Variants in XRCC4 observed in about 807,000 individuals in gnomAD.
XRCC4 encodes DNA repair protein XRCC4.
XRCC4 carries 28 observed loss-of-function variants against 39.1 expected under a neutral mutation model. That is an observed-to-expected ratio of 0.72 (90% confidence interval 0.53 to 0.98). The LOEUF (loss-of-function observed/expected upper bound fraction) is 0.98. Among genes scored for constraint, XRCC4 ranks in the 50% least tolerant of loss-of-function variants. XRCC4 has a pLI of 0.00. For missense variants in XRCC4, 350 were observed against 376.4 expected (o/e 0.93, Z 0.58); for synonymous variants, 123 against 126.4 (o/e 0.97, Z 0.18).
chr5:83,304,365 C>T (rs1006374950), intron 7 of XRCC4, among the ~76,000 whole-genome samples: 2 of 151,830 alleles, frequency 1.3e-5, no homozygotes, highest in African/African-American at 4.8e-5. Context: ...TAAAGATCTT[C>T]GTATTCATCA....
At chr5:83,313,896 T>C (rs1360880738) in intron 7 of XRCC4, among the ~76,000 whole-genome samples, 1 of 151,052 alleles carries the variant, frequency 6.6e-6, no homozygotes, top group Non-Finnish European at 1.5e-5. Flanking sequence ...ACTCGTCTCT[T>C]TTCATTAAAA....
intron 7 of XRCC4, among the ~76,000 whole-genome samples, chr5:83,340,819 C>T (rs969789323): frequency 1.3e-5 from 2 of 152,168 alleles, no homozygotes; most frequent in African/African-American, 4.8e-5. Context: ...ACAAAAACAG[C>T]TCATCCCACG....
At chr5:83,273,301 C>T (rs981084199) in intron 7 of XRCC4, among the ~76,000 whole-genome samples, 4 of 152,036 alleles carry the variant, frequency 2.6e-5, no homozygotes, top group African/African-American at 7.2e-5. Flanking sequence ...GTTTAAGTTC[C>T]TTGTAGATTC....
intron 6 of XRCC4, among the ~76,000 whole-genome samples, chr5:83,239,227 CTAGTT>C (rs1752809111): frequency 6.6e-6 from 1 of 152,152 alleles, no homozygotes. Flanking sequence ...AGTTCACTCT[CTAGTT>C]AAGGAAAAGA....
intron 3 of XRCC4, among the ~76,000 whole-genome samples, chr5:83,164,977 A>G (rs1236885362): frequency 6.8e-6 from 1 of 147,630 alleles, no homozygotes; most frequent in African/African-American, 2.7e-5. Flanking sequence ...TTTATTTTAA[A>G]TAAAATATTT....
intron 3 of XRCC4, among the ~76,000 whole-genome samples, chr5:83,146,864 A>AT (rs1748479255): frequency 6.6e-6 from 1 of 152,104 alleles, no homozygotes; most frequent in African/African-American, 2.4e-5. Context: ...TTTCTTTGTG[A>AT]TTTTGTCCAC....
At chr5:83,287,254 A>G (rs1330190036) in intron 7 of XRCC4, among the ~76,000 whole-genome samples, 1 of 152,104 alleles carries the variant, frequency 6.6e-6, no homozygotes, top group Non-Finnish European at 1.5e-5. Flanking sequence ...ATAACATTTC[A>G]GGGACAATAT....
chr5:83,093,010 A>AC (rs1446758590), intron 1 of XRCC4, among the ~76,000 whole-genome samples: 2 of 99,160 alleles, frequency 2.0e-5, no homozygotes, highest in Non-Finnish European at 4.3e-5. Context: ...GGAGTAAATG[A>AC]ATGGACACAC....
At chr5:83,373,829 A>G in the XRCC4 span, among the ~76,000 whole-genome samples, 1 of 152,212 alleles carries the variant, frequency 6.6e-6, no homozygotes. Flanking sequence ...ATCTATGTAT[A>G]TAATAGCTAC....
At chr5:83,182,587 AT>A (rs529425188) in intron 3 of XRCC4, among the ~76,000 whole-genome samples, 16 of 152,200 alleles carry the variant, frequency 1.1e-4, no homozygotes, top group African/African-American at 3.9e-4. Context: ...GAATTCCAAT[AT>A]TTTTTGACCC....
At chr5:83,371,602 C>T in the XRCC4 span, among the ~76,000 whole-genome samples, 2 of 152,156 alleles carry the variant, frequency 1.3e-5, no homozygotes, top group Non-Finnish European at 2.9e-5. Context: ...TCTATGACCA[C>T]AGCAGGAGCA....
At chr5:83,274,749 T>C (rs1249350607) in intron 7 of XRCC4, among the ~76,000 whole-genome samples, 1 of 152,132 alleles carries the variant, frequency 6.6e-6, no homozygotes, top group Non-Finnish European at 1.5e-5. Flanking sequence ...TCCATTGTAT[T>C]GAAGGAGTAG....
intron 6 of XRCC4, among the ~76,000 whole-genome samples, chr5:83,209,512 T>G (rs1038383292): frequency 1.1e-4 from 17 of 152,150 alleles, no homozygotes; most frequent in Non-Finnish European, 7.4e-5. Context: ...TTAGCCATTA[T>G]GAAACATTTC....
At chr5:83,102,121 C>T (rs1745970094) in intron 1 of XRCC4, among the ~76,000 whole-genome samples, 1 of 151,974 alleles carries the variant, frequency 6.6e-6, no homozygotes, top group South Asian at 2.1e-4. Flanking sequence ...TATAGAAGTG[C>T]AGTATTTAGG....
intron 3 of XRCC4, among the ~76,000 whole-genome samples, chr5:83,117,417 T>A (rs1416031501): frequency 6.6e-6 from 1 of 152,230 alleles, no homozygotes; most frequent in Admixed American, 6.5e-5. Flanking sequence ...AATAATGTAT[T>A]CATCTTCCTT....
At chr5:83,230,233 C>G (rs1752448359) in intron 6 of XRCC4, among the ~76,000 whole-genome samples, 1 of 151,882 alleles carries the variant, frequency 6.6e-6, no homozygotes, top group East Asian at 1.9e-4. Flanking sequence ...ACTTTTGCCC[C>G]TTTCTTATTA....
chr5:83,124,056 G>C (rs1490877175), intron 3 of XRCC4, among the ~76,000 whole-genome samples: 1 of 152,098 alleles, frequency 6.6e-6, no homozygotes, highest in Non-Finnish European at 1.5e-5. Context: ...GCAGGAAATT[G>C]ACTTTGGTAC....
chr5:83,087,523 C>T (rs1023262785), intron 1 of XRCC4, among the ~76,000 whole-genome samples: 5 of 143,668 alleles, frequency 3.5e-5, no homozygotes, highest in African/African-American at 1.0e-4. Flanking sequence ...ATCAGCCAGG[C>T]GTGGTGGTGC....
chr5:83,081,406 T>TC (rs1313040348), intron 1 of XRCC4, among the ~76,000 whole-genome samples: 1 of 152,148 alleles, frequency 6.6e-6, no homozygotes, highest in Non-Finnish European at 1.5e-5. Context: ...CCTTTTTTTC[T>TC]CCCCCCTTGT....
Sources: gnomAD v4.1 joint callset for allele counts (sites outside exome capture counted in the v4.1 genomes callset) on GRCh38, gnomAD v4.1.1 for gene constraint, MANE v1.5 for transcripts, NCBI Gene and HGNC (gene_info 2026-07-23, HGNC 2026-07-21) for gene names.